Variants in UNC79 observed in about 807,000 individuals in gnomAD.
UNC79 encodes protein unc-79 homolog.
UNC79 carries 37 observed loss-of-function variants against 283.1 expected under a neutral mutation model. The ratio of observed to expected loss-of-function variants is 0.13; its 90% CI spans 0.10 to 0.17. The LOEUF (loss-of-function observed/expected upper bound fraction) is 0.17, where lower values mean the gene tolerates loss of function less well. UNC79 is among the 10% of genes least tolerant of loss of function. UNC79 has a pLI of 1.00. For synonymous variants in UNC79, 1,107 were observed against 1,200.2 expected (o/e 0.92, Z 1.61); for missense variants, 2,272 against 3,211.1 (o/e 0.71, Z 7.07).
rs2060067904 is a variant in UNC79, at chr14:93,516,465, G to A, written c.899-7513G>A. 1.9e-5 allele frequency among the ~76,000 whole-genome samples: 2 copies of A among 105,484 alleles called. 1 individual carries two copies. Among genetic ancestry groups the A allele is most frequent in the Non-Finnish European group, 3.8e-5 (2 of 53,256 alleles). The allele number at this position is 105,484 out of a possible 152,430, so 69.2% of individuals were successfully genotyped here. A position where few individuals can be genotyped will look rare whatever the true frequency, so the allele number is the denominator to read the frequency against. On this transcript the variant is annotated intron_variant, in intron 7 of 48. Transcript: ENST00000555664. ...ATATTTTTTTTGGGGGGGGGGGTGG[G>A]GGATGGAGTCTTACTCTGTTGCCCA...
At chr14:93,524,179 C>T in intron 8 of UNC79, 137 bp downstream of exon 8, 1 of 966,000 alleles carries the variant, frequency 1.0e-6, no homozygotes, top group Non-Finnish European at 1.6e-6. Flanking sequence ...CATATTCAAT[C>T]TGATTGTACT....
chr14:93,347,197 A>G (rs1057089675), intron 1 of UNC79: 5 of 1,500,260 alleles, frequency 3.3e-6, no homozygotes, highest in Middle Eastern at 1.8e-4. Context: ...CCTCACGAGC[A>G]CTGGAGCTTG....
At chr14:93,591,871 CACAG>C (rs2064709180) in intron 22 of UNC79, among the ~76,000 whole-genome samples, 1 of 152,180 alleles carries the variant, frequency 6.6e-6, no homozygotes, top group South Asian at 2.1e-4. Context: ...GAACTGCTCA[CACAG>C]ACAGACAACA....
intron 42 of UNC79, among the ~76,000 whole-genome samples, chr14:93,683,657 T>C (rs1397833032): frequency 6.6e-6 from 1 of 152,114 alleles, no homozygotes; most frequent in African/African-American, 2.4e-5. Flanking sequence ...AATCAGTAAT[T>C]AAAAGACGAA....
At chr14:93,517,148 A>G (rs2060101613) in intron 7 of UNC79, among the ~76,000 whole-genome samples, 1 of 144,138 alleles carries the variant, frequency 6.9e-6, no homozygotes, top group Non-Finnish European at 1.6e-5. Context: ...TCTAATTTGT[A>G]TGCCTTTCTT....
exon 31 of UNC79, chr14:93,630,845 T>C: frequency 1.2e-6 from 2 of 1,614,068 alleles, no homozygotes; most frequent in Non-Finnish European, 1.7e-6. Context: ...GCCACGAGAA[T>C]CTTCATCTGC....
chr14:93,665,449 A>C (rs193133632), intron 40 of UNC79, among the ~76,000 whole-genome samples: 30 of 152,010 alleles, frequency 2.0e-4, no homozygotes, highest in Admixed American at 1.2e-3. Flanking sequence ...ATATCTAATA[A>C]ATATTTCAGA....
At chr14:93,704,504 G>A (rs2075738592) in intron 47 of UNC79, 121 bp from the exon 51 acceptor site, 2 of 1,131,360 alleles carry the variant, frequency 1.8e-6, no homozygotes, top group Admixed American at 3.6e-5. Flanking sequence ...CCTGCAGCAG[G>A]GCCCACATCC....
intron 26 of UNC79, among the ~76,000 whole-genome samples, chr14:93,603,980 C>A (rs1228791226): frequency 1.3e-5 from 2 of 151,898 alleles, no homozygotes; most frequent in Non-Finnish European, 2.9e-5. Flanking sequence ...AGCTTCATTG[C>A]CAATATTTTA....
intron 26 of UNC79, among the ~76,000 whole-genome samples, chr14:93,610,215 C>A (rs1323161392): frequency 6.6e-6 from 1 of 152,194 alleles, no homozygotes; most frequent in Non-Finnish European, 1.5e-5. Context: ...GGGCAGGGTC[C>A]TAGCTGGGCC....
exon 30 of UNC79, chr14:93,622,714 C>A: frequency 6.2e-7 from 1 of 1,614,076 alleles, no homozygotes; most frequent in Non-Finnish European, 8.5e-7. Flanking sequence ...CTGAGGAATC[C>A]GAATTTAAGA....
At chr14:93,367,521 A>G (rs2054360245) in intron 1 of UNC79, among the ~76,000 whole-genome samples, 1 of 152,248 alleles carries the variant, frequency 6.6e-6, no homozygotes. Context: ...GAAGCAGGGA[A>G]ATAGGCTGGA....
At chr14:93,651,138 A>G (rs1403024386) in intron 35 of UNC79, among the ~76,000 whole-genome samples, 1 of 152,198 alleles carries the variant, frequency 6.6e-6, no homozygotes, top group Admixed American at 6.5e-5. Flanking sequence ...ATTGATCTAT[A>G]TATTAATTCT....
intron 7 of UNC79, among the ~76,000 whole-genome samples, chr14:93,520,808 G>A (rs76151676): frequency 1.3e-5 from 2 of 152,002 alleles, no homozygotes; most frequent in African/African-American, 2.4e-5. Flanking sequence ...CTATCTTCAT[G>A]CTTTCCTTTG....
At chr14:93,374,467 C>G (rs1016740497) in intron 1 of UNC79, among the ~76,000 whole-genome samples, 16 of 152,150 alleles carry the variant, frequency 1.1e-4, no homozygotes, top group African/African-American at 3.9e-4. Context: ...TTTTCTTTGC[C>G]TACTTTTCTC....
At chr14:93,556,705 C>T (rs1595858447) in intron 14 of UNC79, among the ~76,000 whole-genome samples, 5 of 151,664 alleles carry the variant, frequency 3.3e-5, no homozygotes, top group African/African-American at 1.2e-4. Context: ...AACCCAAAAA[C>T]CTTTTTTTCA....
In UNC79 at chr14:93,688,949, G is replaced by C. The variant is rs2074466876; in HGVS notation, c.7085+109G>C. On this transcript the variant is annotated intron_variant, in intron 44 of 48. Coordinates refer to ENST00000555664, the Ensembl canonical transcript of UNC79. The surrounding 1 kb of genome is among the most constrained non-coding windows in gnomAD (Gnocchi z 4.0). ...AGTACACCGAAGATTTATGACAGTGGAATATACTTGGTTAGGAAGATGGAA... is the reference window on the plus strand; with the variant it reads ...AGTACACCGAAGATTTATGACAGTGCAATATACTTGGTTAGGAAGATGGAA... 10 of 1,203,876 alleles carry C rather than the reference G, an allele frequency of 8.3e-6. No homozygotes were observed. Among genetic ancestry groups the C allele is most frequent in the African/African-American group, 1.5e-5 (1 of 65,430 alleles). The allele number at this position is 1,203,876 out of a possible 1,614,324, so 74.6% of individuals were successfully genotyped here. A position where few individuals can be genotyped will look rare whatever the true frequency, so the allele number is the denominator to read the frequency against.
At chr14:93,596,203 T>C (rs1392901996) in intron 23 of UNC79, among the ~76,000 whole-genome samples, 2 of 152,222 alleles carry the variant, frequency 1.3e-5, no homozygotes, top group African/African-American at 4.8e-5. Context: ...AAATGCAATA[T>C]GTAAATTAAT....
rs79189811 is a variant in UNC79 at position 93,454,565 on chromosome 14, A to G, written c.23-13106A>G. On this transcript the variant is annotated intron_variant, in intron 1 of 48. Coordinates refer to ENST00000555664, the Ensembl canonical transcript of UNC79. ...CCTCCTATGTGATCTTGGGCAAGTT[A>G]CTTAACCTCTCTCAGCCTCAGTTTT... Among the ~76,000 whole-genome samples, 1,393 of 152,342 alleles carry G rather than the reference A, an allele frequency of 9.1e-3. 25 individuals are homozygous for G. Among genetic ancestry groups the G allele is most frequent in the African/African-American group, 0.032 (1,318 of 41,564 alleles).
Sources: gnomAD v4.1 joint callset for allele counts (sites outside exome capture counted in the v4.1 genomes callset) on GRCh38, gnomAD v4.1.1 for gene constraint, Gnocchi (gnomAD v3.1) non-coding constraint, MANE v1.5 for transcripts, NCBI Gene and HGNC (gene_info 2026-07-23, HGNC 2026-07-21) for gene names.